The following LRIT1 variants were observed in gnomAD, a reference collection of about 807,000 sequenced individuals.
LRIT1 encodes leucine rich repeat, Ig-like and transmembrane domains 1, also known as leucine-rich repeat, immunoglobulin-like domain and transmembrane domain-containing protein 1.
LRIT1 carries 23 observed loss-of-function variants against 24.0 expected under a neutral mutation model. The observed-to-expected ratio is 0.96, with a 90% CI of 0.69 to 1.36. The LOEUF (loss-of-function observed/expected upper bound fraction) is 1.36, where lower values mean the gene tolerates loss of function less well. Ranked by LOEUF, LRIT1 falls within the 40% of genes most tolerant of loss-of-function variation. The pLI is 0.00. For synonymous variants in LRIT1, 361 were observed against 340.5 expected (o/e 1.06, Z -0.66); for missense variants, 846 against 806.3 (o/e 1.05, Z -0.60).
rs993840579 is a variant in LRIT1, at chr10:84,231,634, A to G, written c.*293T>C. 2.2e-5 allele frequency: 9 copies of G among 413,906 alleles called. No homozygotes were observed. The highest frequency in any genetic ancestry group is 3.5e-5 in the Non-Finnish European group (8 of 225,994). 25.6% of individuals were successfully genotyped at this position (413,906 alleles called of 1,614,324 possible). ...TTCATTTGTTATACAGCAAAAGCTGACTGATACAGGCAAGTTTCTTAACCC... is the reference window on the plus strand; with the variant it reads ...TTCATTTGTTATACAGCAAAAGCTGGCTGATACAGGCAAGTTTCTTAACCC... On this transcript the variant is annotated 3_prime_UTR_variant, in exon 4 of 4. Coordinates refer to ENST00000372105, the MANE Select transcript of LRIT1 (RefSeq NM_015613.3).
At chr10:84,240,765 A>G (rs1842685074) in intron 1 of LRIT1, among the ~76,000 whole-genome samples, 1 of 152,034 alleles carries the variant, frequency 6.6e-6, no homozygotes. Flanking sequence ...GCACTCATAA[A>G]AAGGTATTGA....
At chr10:84,240,933 G>A (rs78646441) in intron 1 of LRIT1, among the ~76,000 whole-genome samples, 393 of 152,164 alleles carry the variant, frequency 2.6e-3, no homozygotes, top group Non-Finnish European at 4.9e-3. Flanking sequence ...TGGGAAAGAA[G>A]GGGCTGGGGA....
chr10:84,239,844 A>G (rs2132868753), intron 1 of LRIT1, among the ~76,000 whole-genome samples: 1 of 152,362 alleles, frequency 6.6e-6, no homozygotes, highest in Non-Finnish European at 1.5e-5. Context: ...CTAACTGCAC[A>G]GTCTGTGCCC....
intron 1 of LRIT1, among the ~76,000 whole-genome samples, chr10:84,238,352 CAAAA>C (rs34171796): frequency 8.2e-6 from 1 of 122,140 alleles, no homozygotes; most frequent in Non-Finnish European, 1.8e-5. Flanking sequence ...AAGACTGTCT[CAAAA>C]AAAAAAAAAA....
rs1842630129 is a variant in LRIT1, at chr10:84,234,302, G to A, written c.666C>T (p.Asn222=). 2 of 1,609,412 alleles carry A rather than the reference G, an allele frequency of 1.2e-6. No homozygotes were observed. Among genetic ancestry groups the A allele is most frequent in the African/African-American group, 1.3e-5 (1 of 74,786 alleles). ...TCAGTTCAGTCTCAATGAAGGCCAA[G>A]TTTGGGGCCCAGCCATCCAAAAGAT... The part of the protein sequence containing the change: ...LVHLLDGWAP[N]LAFIETELRC... The change falls in exon 3 of 4, where the codon AAC becomes AAT. Residue 222 remains asparagine, a synonymous_variant. Transcript: ENST00000372105.
chr10:84,238,114 G>C (rs1482802024), intron 1 of LRIT1, among the ~76,000 whole-genome samples: 1 of 152,194 alleles, frequency 6.6e-6, no homozygotes, highest in Non-Finnish European at 1.5e-5. Context: ...AGCACTTTGG[G>C]AGGTGGAGGC....
rs185709029 is a variant in LRIT1 at position 84,232,011 on chromosome 10, G to A, written c.1788C>T (p.Asp596=). 3 of 1,614,134 alleles carry A rather than the reference G, an allele frequency of 1.9e-6. No homozygotes were observed. In the South Asian group the frequency reaches 3.3e-5, roughly 18 times the overall value. The part of the protein sequence containing the change: ...ELSRHSVSEA[D]RLLSARSSVD... Reference sequence around the variant, plus strand: ...CACTGGAACGAGCTGAGAGAAGCCTGTCAGCCTCGCTGACACTGTGCCGGG... The same window carrying A: ...CACTGGAACGAGCTGAGAGAAGCCTATCAGCCTCGCTGACACTGTGCCGGG... The change falls in exon 4 of 4, where the codon GAC becomes GAT. Residue 596 remains aspartate (D), a synonymous_variant. Coordinates refer to ENST00000372105, the MANE Select transcript of LRIT1 (RefSeq NM_015613.3).
rs771131172 is a variant in LRIT1 at position 84,237,493 on chromosome 10, G to C, written c.316C>G (p.Leu106Val). ...AGCCGCAGCTCCCGCAGGCGTCGCA[G>C]GCCCCGCAGCATGAGGGCGTTGAGC... ...SELNALMLRG[L>V]RRLRELRLPG... The change falls in exon 2 of 4, where the codon CTG (leucine) becomes GTG (valine). Residue 106 changes from leucine (L) to valine (V), a missense_variant. Leu to Val is a conservative substitution (Grantham distance 32). Transcript: ENST00000372105. 1 of 1,596,192 alleles carries C rather than the reference G, an allele frequency of 6.3e-7. No individual in the cohort carries two copies. The highest frequency in any genetic ancestry group is 8.5e-7 in the Non-Finnish European group (1 of 1,175,242).
chr10:84,237,332 G>C lies in LRIT1; in HGVS notation c.477C>G (p.Phe159Leu). Reference sequence around the variant, plus strand: ...TCAGCTGGTTGCTGGAGAGGTCGAGGAAGGTGAGGTTCTCCAGGAAGCGCG... The same window carrying C: ...TCAGCTGGTTGCTGGAGAGGTCGAGCAAGGTGAGGTTCTCCAGGAAGCGCG... ...EAARFLENLT[F>L]LDLSSNQLMR... The change falls in exon 2 of 4, where the codon TTC (phenylalanine) becomes TTG (leucine). Residue 159 changes from phenylalanine to leucine, a missense_variant. Coordinates refer to ENST00000372105, the MANE Select transcript of LRIT1 (RefSeq NM_015613.3). 6.4e-7 allele frequency: 1 copy of C among 1,550,942 alleles called. No homozygotes were observed. The highest frequency in any genetic ancestry group is 8.7e-7 in the Non-Finnish European group (1 of 1,146,978).
At chr10:84,238,026 C>T (rs566093405) in intron 1 of LRIT1, among the ~76,000 whole-genome samples, 1 of 152,302 alleles carries the variant, frequency 6.6e-6, no homozygotes, top group African/African-American at 2.4e-5. Context: ...CCCATGATCG[C>T]GTTGTGCACT....
In LRIT1 at chr10:84,232,588, T is replaced by G. The variant is rs1218132877; in HGVS notation, c.1211A>C (p.Glu404Ala). The change falls in exon 4 of 4, where the codon GAG becomes GCG. Residue 404 changes from glutamate to alanine, a missense_variant. Transcript: ENST00000372105. ...TGPSVPSTKE[E>A]LTLEHFQMDA... Reference sequence around the variant, plus strand: ...CATCTGGAAGTGCTCAAGGGTCAGCTCCTCCTTTGTGCTGGGCACAGAGGG... The same window carrying G: ...CATCTGGAAGTGCTCAAGGGTCAGCGCCTCCTTTGTGCTGGGCACAGAGGG... 3 of 1,614,046 alleles carry G rather than the reference T, an allele frequency of 1.9e-6. No individual in the cohort carries two copies. Among genetic ancestry groups the G allele is most frequent in the African/African-American group, 1.3e-5 (1 of 75,040 alleles).
At chr10:84,240,235 G>A (rs4933990) in intron 1 of LRIT1, among the ~76,000 whole-genome samples, 95,397 of 152,164 alleles carry the variant, frequency 0.63, 31,248 homozygotes, top group African/African-American at 0.82. Flanking sequence ...CCCAGGCTGG[G>A]AACAGCAGGC....
In LRIT1 at chr10:84,231,648, G is replaced by A. The variant is rs1564542153; in HGVS notation, c.*279C>T. 3 of 449,690 alleles carry A rather than the reference G, an allele frequency of 6.7e-6. No individual in the cohort carries two copies. Among genetic ancestry groups the A allele is most frequent in the Admixed American group, 3.8e-5 (1 of 26,336 alleles). The allele number at this position is 449,690 out of a possible 1,614,324, so 27.9% of individuals were successfully genotyped here. A position where few individuals can be genotyped will look rare whatever the true frequency, so the allele number is the denominator to read the frequency against. On this transcript the variant is annotated 3_prime_UTR_variant, in exon 4 of 4. Transcript: ENST00000372105. Reference sequence around the variant, plus strand: ...AGCAAAAGCTGACTGATACAGGCAAGTTTCTTAACCCCCCACCCCAGGGAA... The same window carrying A: ...AGCAAAAGCTGACTGATACAGGCAAATTTCTTAACCCCCCACCCCAGGGAA...
In LRIT1 at chr10:84,237,533, G is replaced by A. The variant is rs141410690; in HGVS notation, c.276C>T (p.Tyr92=). 6.2e-7 allele frequency: 1 copy of A among 1,605,234 alleles called. No individual in the cohort carries two copies. The highest frequency in any genetic ancestry group is 2.2e-5 in the East Asian group (1 of 44,850). ...LGRLEQLWLP[Y]NALSELNALM... is the part of the protein sequence containing the mutation. ...GGGCGTTGAGCTCGCTGAGGGCGTT[G>A]TAAGGCAGCCACAGCTGCTCCAGGC... Residue 92 remains tyrosine, a synonymous_variant, in exon 2 of 4, where the codon TAC becomes TAT. Transcript: ENST00000372105.
chr10:84,235,585 G>A (rs568078653), intron 2 of LRIT1, among the ~76,000 whole-genome samples: 3 of 144,276 alleles, frequency 2.1e-5, no homozygotes, highest in South Asian at 2.2e-4. Flanking sequence ...CACCTCTTTT[G>A]TTCTCTGCTG....
chr10:84,232,413 G>A lies in LRIT1; in HGVS notation c.1386C>T (p.Leu462=). The change falls in exon 4 of 4, where the codon CTC becomes CTT. Residue 462 remains leucine (L), a synonymous_variant. Coordinates refer to ENST00000372105, the MANE Select transcript of LRIT1 (RefSeq NM_015613.3). ...TGCTGTGCTGCCCAAAGACCGCGTA[G>A]AGGACACTGAAGGCAGTTGTGTTCT... ...QAKNTTAFSV[L]YAVFGQHSMR... is the part of the protein sequence containing the mutation. 1 of 1,614,154 alleles carries A rather than the reference G, an allele frequency of 6.2e-7. No homozygotes were observed. Among genetic ancestry groups the A allele is most frequent in the Non-Finnish European group, 8.5e-7 (1 of 1,180,028 alleles).
At chr10:84,236,301 A>G (rs1265479701) in intron 2 of LRIT1, among the ~76,000 whole-genome samples, 1 of 152,164 alleles carries the variant, frequency 6.6e-6, no homozygotes. Flanking sequence ...GTCTCAAAAA[A>G]AAAAAAAGGA....
In LRIT1 at chr10:84,232,129, C is replaced by T. The variant is rs753319936; in HGVS notation, c.1670G>A (p.Arg557Gln). 13 of 1,614,014 alleles carry T rather than the reference C, an allele frequency of 8.1e-6. No individual in the cohort carries two copies. The highest frequency in any genetic ancestry group is 2.2e-5 in the East Asian group (1 of 44,888). ...AGTGGAGTCCTTGTTGAAGCACTTT[C>T]GGCAGCGCTTCTGAAGAGCACTGCA... The part of the protein sequence containing the change: ...VCCSALQKRC[R>Q]KCFNKDSTEA... Residue 557 changes from arginine (R) to glutamine (Q), a missense_variant, in exon 4 of 4, where the codon CGA (arginine) becomes CAA (glutamine). By Grantham distance (43) the Arg-to-Gln change is conservative. Transcript: ENST00000372105.
At chr10:84,234,911 T>C (rs1220209779) in intron 2 of LRIT1, among the ~76,000 whole-genome samples, 1 of 152,148 alleles carries the variant, frequency 6.6e-6, no homozygotes, top group Non-Finnish European at 1.5e-5. Flanking sequence ...AATCAAATCC[T>C]AGGCTATATC....
Sources: gnomAD v4.1 joint callset for allele counts (sites outside exome capture counted in the v4.1 genomes callset) on GRCh38, gnomAD v4.1.1 for gene constraint, MANE v1.5 for transcripts, NCBI Gene and HGNC (gene_info 2026-07-23, HGNC 2026-07-21) for gene names.